The following FSD1L variants were observed in gnomAD, a reference collection of about 807,000 sequenced individuals.
FSD1L encodes FSD1-like protein.
In FSD1L, 45 loss-of-function variants were observed where a neutral mutation model predicts 71.6. That is an observed-to-expected ratio of 0.63 (90% CI 0.49 to 0.81). FSD1L has a LOEUF of 0.81. FSD1L is among the 30% of genes least tolerant of loss of function. The pLI, the probability that FSD1L is intolerant of heterozygous loss-of-function variation, is 0.00. For missense variants in FSD1L, 561 were observed against 618.1 expected (o/e 0.91, Z 0.98); for synonymous variants, 197 against 207.2 (o/e 0.95, Z 0.42).
chr9:105,496,449 T>C lies in FSD1L; in HGVS notation c.587-9950T>C, dbSNP rs140997893. Reference sequence around the variant, plus strand: ...ACAAAATAGCTTACTGGGATTATGATTGGGATTGCAATCAATCTGTAGGTC... The same window carrying C: ...ACAAAATAGCTTACTGGGATTATGACTGGGATTGCAATCAATCTGTAGGTC... On this transcript the variant is annotated intron_variant, in intron 7 of 13. Coordinates refer to ENST00000481272, the MANE Select transcript of FSD1L (RefSeq NM_001145313.3). Among the ~76,000 whole-genome samples the C allele has an allele frequency of 4.6e-3, 698 of 152,340 alleles. 4 individuals are homozygous for C. The highest frequency in any genetic ancestry group is 0.01 in the Middle Eastern group (3 of 294).
intron 10 of FSD1L, among the ~76,000 whole-genome samples, chr9:105,531,645 T>G (rs1835901451): frequency 6.6e-6 from 1 of 152,222 alleles, no homozygotes; most frequent in Admixed American, 6.5e-5. Flanking sequence ...GTTGAATAAC[T>G]TGGGTGGAGG....
intron 5 of FSD1L, chr9:105,473,212 G>A (rs1831587440): frequency 6.6e-6 from 1 of 152,276 alleles, no homozygotes; most frequent in South Asian, 2.1e-4. Flanking sequence ...AGGCTGAGAT[G>A]GGAGGATTGC....
At chr9:105,462,361 CA>C (rs1830759655) in intron 2 of FSD1L, among the ~76,000 whole-genome samples, 1 of 151,142 alleles carries the variant, frequency 6.6e-6, no homozygotes, top group African/African-American at 2.4e-5. Context: ...GCTGGGATTA[CA>C]GGCGCCCATC....
chr9:105,467,172 T>C (rs181122012), intron 3 of FSD1L, among the ~76,000 whole-genome samples: 74 of 152,314 alleles, frequency 4.9e-4, no homozygotes, highest in Admixed American at 4.6e-3. Flanking sequence ...TTGTTCTTAC[T>C]ACTGTAAATA....
At chr9:105,456,967 TG>T (rs1474682192) in intron 1 of FSD1L, among the ~76,000 whole-genome samples, 1 of 152,210 alleles carries the variant, frequency 6.6e-6, no homozygotes, top group Non-Finnish European at 1.5e-5. Context: ...ACGGGAGGCT[TG>T]AGATCTGATA....
intron 10 of FSD1L, among the ~76,000 whole-genome samples, chr9:105,515,365 A>G (rs1834647748): frequency 6.6e-6 from 1 of 152,174 alleles, no homozygotes; most frequent in African/African-American, 2.4e-5. Context: ...CATTCTTAGG[A>G]AGAAAGATGT....
intron 13 of FSD1L, among the ~76,000 whole-genome samples, chr9:105,543,876 A>G (rs1836798615): frequency 6.6e-6 from 1 of 152,204 alleles, no homozygotes; most frequent in Admixed American, 6.5e-5. Context: ...TATTGTGAAT[A>G]GTGCCGCAAT....
At chr9:105,448,949 G>C (rs1829811072) in intron 1 of FSD1L, among the ~76,000 whole-genome samples, 1 of 152,150 alleles carries the variant, frequency 6.6e-6, no homozygotes, top group Non-Finnish European at 1.5e-5. Flanking sequence ...AGAAGTATTT[G>C]GAGAACAAAG....
At chr9:105,479,477 G>T in intron 6 of FSD1L, 101 bp downstream of exon 6, 1 of 973,872 alleles carries the variant, frequency 1.0e-6, no homozygotes, top group Non-Finnish European at 1.5e-6. Flanking sequence ...TAAGATAAAA[G>T]TACCCAATGA....
chr9:105,501,596 AT>A (rs5899666), intron 7 of FSD1L, among the ~76,000 whole-genome samples: 67,819 of 133,234 alleles, frequency 0.51, 16,160 homozygotes, highest in African/African-American at 0.57. Flanking sequence ...CTAATTTTTA[AT>A]TTTTTTTTTT....
chr9:105,530,541 A>G, intron 10 of FSD1L: 2 of 687,278 alleles, frequency 2.9e-6, no homozygotes, highest in Non-Finnish European at 5.3e-6. Context: ...TTCTGTTATC[A>G]AAAGAGCTCT....
In FSD1L at chr9:105,526,107, C is replaced by G. The variant is rs1018864218; in HGVS notation, c.1026-8386C>G. On this transcript the variant is annotated intron_variant, in intron 10 of 13. Coordinates refer to ENST00000481272, the MANE Select transcript of FSD1L (RefSeq NM_001145313.3). Reference sequence around the variant, plus strand: ...TAATGAGAAAACCAGAGGTTCCCTTCTTTGGTCCCCTTTTTGATGGTGCTA... The same window carrying G: ...TAATGAGAAAACCAGAGGTTCCCTTGTTTGGTCCCCTTTTTGATGGTGCTA... The G allele has an allele frequency of 3.4e-5, 53 of 1,550,678 alleles. No homozygotes were observed. In the African/African-American group the frequency reaches 7.2e-4, roughly 21 times the overall value.
At chr9:105,501,655 A>T (rs1374060038) in intron 7 of FSD1L, among the ~76,000 whole-genome samples, 2 of 151,622 alleles carry the variant, frequency 1.3e-5, no homozygotes, top group East Asian at 3.9e-4. Context: ...GCTGGTCTCA[A>T]ACTCCTGGCC....
intron 1 of FSD1L, among the ~76,000 whole-genome samples, chr9:105,452,669 G>GCCTGCCTTCCTGCCTTCCTGCCTT (rs1191519308): frequency 3.1e-5 from 3 of 96,172 alleles, no homozygotes; most frequent in Admixed American, 1.1e-4. Context: ...CTGCCTGCCT[G>GCCTGCCTTCCTGCCTTCCTGCCTT]CCTTCCTTCC....
chr9:105,469,420 G>A (rs894035150), intron 4 of FSD1L, among the ~76,000 whole-genome samples: 25 of 150,582 alleles, frequency 1.7e-4, no homozygotes, highest in East Asian at 3.9e-4. Flanking sequence ...TGTGCTTGCC[G>A]GTGCTTTTTA....
chr9:105,483,612 C>T (rs570203845), intron 6 of FSD1L, among the ~76,000 whole-genome samples: 4 of 152,220 alleles, frequency 2.6e-5, no homozygotes, highest in Admixed American at 2.6e-4. Flanking sequence ...TTCTTTTAAT[C>T]TTCAGTTTTA....
chr9:105,547,714 C>G lies in FSD1L; in HGVS notation c.*1231C>G, dbSNP rs1283416202. ...CATGGTTATGTGGAACATAACTGTT[C>G]TTAAAAAGTCAATTATAATTTGTAA... is the stretch of plus-strand genomic sequence containing the variant. On this transcript the variant is annotated 3_prime_UTR_variant, in exon 14 of 14. Coordinates refer to ENST00000481272, the MANE Select transcript of FSD1L (RefSeq NM_001145313.3). 1 of 152,036 alleles carries G rather than the reference C, an allele frequency of 6.6e-6. No individual in the cohort carries two copies. Among genetic ancestry groups the G allele is most frequent in the Non-Finnish European group, 1.5e-5 (1 of 67,968 alleles). 9.4% of individuals were successfully genotyped at this position (152,036 alleles called of 1,614,324 possible). A position where few individuals can be genotyped will look rare whatever the true frequency, so the allele number is the denominator to read the frequency against.
intron 10 of FSD1L, chr9:105,530,901 G>A (rs902299661): frequency 3.7e-6 from 1 of 268,536 alleles, no homozygotes; most frequent in East Asian, 8.4e-5. Context: ...GTCAGATATT[G>A]TACACCTACT....
At chr9:105,512,389 T>C (rs1834445981) in intron 9 of FSD1L, among the ~76,000 whole-genome samples, 1 of 152,124 alleles carries the variant, frequency 6.6e-6, no homozygotes, top group Admixed American at 6.5e-5. Context: ...AAAATGTGTA[T>C]GCCAGGTTCT....
Sources: gnomAD v4.1 joint callset for allele counts (sites outside exome capture counted in the v4.1 genomes callset) on GRCh38, gnomAD v4.1.1 for gene constraint, MANE v1.5 for transcripts, NCBI Gene and HGNC (gene_info 2026-07-23, HGNC 2026-07-21) for gene names.